Variants in PCDHA5 observed in about 807,000 individuals in gnomAD.
PCDHA5 encodes protocadherin alpha-5.
Under a neutral mutation model 61.6 loss-of-function variants are expected in PCDHA5, and 43 were observed. That is an observed-to-expected ratio of 0.70 (90% CI 0.55 to 0.90). PCDHA5 has a LOEUF of 0.90. Among genes scored for constraint, PCDHA5 ranks in the 40% least tolerant of loss-of-function variants. The pLI, the probability that PCDHA5 is intolerant of heterozygous loss-of-function variation, is 0.00. For synonymous variants in PCDHA5, 627 were observed against 543.9 expected (o/e 1.15, Z -2.13); for missense variants, 1,298 against 1,222.7 (o/e 1.06, Z -0.92).
At chr5:140,955,008 C>T (rs1393836611) in intron 1 of PCDHA5, among the ~76,000 whole-genome samples, 2 of 152,142 alleles carry the variant, frequency 1.3e-5, no homozygotes, top group Non-Finnish European at 2.9e-5. Flanking sequence ...CCAATTCTCC[C>T]AGCACCATTT....
chr5:140,848,354 C>G (rs1427419086), intron 1 of PCDHA5: 1 of 1,023,830 alleles, frequency 9.8e-7, no homozygotes, highest in African/African-American at 1.6e-5. Flanking sequence ...AGCCCTTTTC[C>G]CATGGGAAAG....
chr5:140,869,219 C>A (rs543814850), intron 1 of PCDHA5: 1 of 1,613,836 alleles, frequency 6.2e-7, no homozygotes, highest in African/African-American at 1.3e-5. Context: ...TCGGAGGAGG[C>A]CAAACACGGC....
At chr5:140,828,367 C>G (rs2150154569) in intron 1 of PCDHA5, 12 of 1,614,132 alleles carry the variant, frequency 7.4e-6, no homozygotes, top group East Asian at 2.2e-5. Context: ...GGATCGACCG[C>G]GAGGAGCTGT....
intron 1 of PCDHA5, chr5:140,875,368 T>G (rs745982019): frequency 1.3e-5 from 19 of 1,449,988 alleles, no homozygotes; most frequent in Non-Finnish European, 1.7e-5. Context: ...TGGAAAAAAT[T>G]TACTAAATAT....
At chr5:140,980,716 G>T (rs1246125435) in intron 2 of PCDHA5, among the ~76,000 whole-genome samples, 1 of 151,830 alleles carries the variant, frequency 6.6e-6, no homozygotes, top group Non-Finnish European at 1.5e-5. Context: ...TCCTATTCGG[G>T]TTTCAATTAA....
At chr5:140,824,152 A>T (rs184380215) in intron 1 of PCDHA5, 25 bp downstream of exon 1, 13 of 1,611,614 alleles carry the variant, frequency 8.1e-6, no homozygotes, top group Middle Eastern at 1.7e-4. Context: ...ATTAACATCC[A>T]TCTTTCCCTC....
At chr5:140,829,849 T>C in intron 1 of PCDHA5, 1 of 1,613,860 alleles carries the variant, frequency 6.2e-7, no homozygotes, top group Non-Finnish European at 8.5e-7. Context: ...GGTCACTGGG[T>C]GCAGGCCAAG....
At chr5:140,946,097 C>T (rs1452170851) in intron 1 of PCDHA5, among the ~76,000 whole-genome samples, 1 of 151,826 alleles carries the variant, frequency 6.6e-6, no homozygotes, top group Admixed American at 6.6e-5. Context: ...AAGGAGTTAA[C>T]ATACCAAATA....
intron 1 of PCDHA5, among the ~76,000 whole-genome samples, chr5:140,897,693 G>A (rs1327367730): frequency 6.6e-6 from 1 of 152,008 alleles, no homozygotes; most frequent in African/African-American, 2.4e-5. Context: ...TAGTCCTTTG[G>A]GCATATACCC....
chr5:140,959,592 G>A (rs2095498598), intron 1 of PCDHA5, among the ~76,000 whole-genome samples: 2 of 152,162 alleles, frequency 1.3e-5, no homozygotes, highest in South Asian at 4.1e-4. Flanking sequence ...TATCAGCCAA[G>A]TATAACATGC....
rs1210767626 is a variant in PCDHA5 at position 141,010,197 on chromosome 5, C to T, written c.*260C>T. 1 of 1,552,200 alleles carries T rather than the reference C, an allele frequency of 6.4e-7. No homozygotes were observed. The highest frequency in any genetic ancestry group is 1.2e-5 in the South Asian group (1 of 84,134). On this transcript the variant is annotated 3_prime_UTR_variant, in exon 4 of 4. Coordinates refer to ENST00000529859, the MANE Select transcript of PCDHA5 (RefSeq NM_018908.3). ...AAAAGCAGACCCAAGTTTCCTTTCT[C>T]CTCCGCCGCAAAGGAGAGGCTTCCC...
At chr5:140,998,112 T>A (rs1554256165) in intron 3 of PCDHA5, among the ~76,000 whole-genome samples, 2 of 152,152 alleles carry the variant, frequency 1.3e-5, no homozygotes, top group Non-Finnish European at 2.9e-5. Context: ...AGGAGAAAAT[T>A]TACTTGTGAA....
intron 3 of PCDHA5, among the ~76,000 whole-genome samples, chr5:140,988,661 A>G (rs1411850477): frequency 6.6e-6 from 1 of 152,186 alleles, no homozygotes; most frequent in Non-Finnish European, 1.5e-5. Context: ...TTGTTTATGA[A>G]TAGACTCTAA....
chr5:140,823,591 C>T lies in PCDHA5; in HGVS notation c.1816C>T (p.Leu606Phe), dbSNP rs1767789904. Residue 606 changes from leucine (L) to phenylalanine (F), a missense_variant, in exon 1 of 4, where the codon CTT (leucine) becomes TTT (phenylalanine). Coordinates refer to ENST00000529859, the MANE Select transcript of PCDHA5 (RefSeq NM_018908.3). ...VDPDSGYNAW[L>F]SYELQPAPGS... The stretch of plus-strand genomic sequence containing the variant: ...CCCTGATTCGGGCTACAACGCTTGG[C>T]TTTCGTATGAGCTGCAGCCAGCGCC... 3 of 1,613,886 alleles carry T rather than the reference C, an allele frequency of 1.9e-6. No individual in the cohort carries two copies. Among genetic ancestry groups the T allele is most frequent in the Admixed American group, 1.7e-5 (1 of 60,010 alleles).
chr5:140,967,018 G>T, intron 1 of PCDHA5: 1 of 1,607,168 alleles, frequency 6.2e-7, no homozygotes, highest in Non-Finnish European at 8.5e-7. Context: ...ATCTGGGTGC[G>T]CCCAGTCCGC....
Position 140,823,275 on chromosome 5 carries a change from G to C in PCDHA5, c.1500G>C (p.Glu500Asp), listed in dbSNP as rs2150124243. 6.2e-7 allele frequency: 1 copy of C among 1,612,480 alleles called. No individual in the cohort carries two copies. Among genetic ancestry groups the C allele is most frequent in the Non-Finnish European group, 8.5e-7 (1 of 1,179,764 alleles). ...CGCTGGTGGAGCGGCGGGTGGGCGAGCGCCCGCTGTCGAGTTACGTTTCGG... is the reference window on the plus strand; with the variant it reads ...CGCTGGTGGAGCGGCGGGTGGGCGACCGCCCGCTGTCGAGTTACGTTTCGG... ...SYSLVERRVG[E>D]RPLSSYVSVH... The change falls in exon 1 of 4, where the codon GAG (glutamate) becomes GAC (aspartate). Residue 500 changes from glutamate (E) to aspartate (D), a missense_variant. By Grantham distance (45) the Glu-to-Asp change is conservative. Coordinates refer to ENST00000529859, the MANE Select transcript of PCDHA5 (RefSeq NM_018908.3).
intron 1 of PCDHA5, chr5:140,862,474 T>C (rs1342820666): frequency 2.6e-6 from 1 of 377,454 alleles, no homozygotes. Flanking sequence ...AGCAAATCTA[T>C]CCATTGTTGG....
At chr5:140,830,288 A>T in intron 1 of PCDHA5, 1 of 1,613,814 alleles carries the variant, frequency 6.2e-7, no homozygotes, top group Non-Finnish European at 8.5e-7. Flanking sequence ...GGGCGCGTGC[A>T]CGGCGGACAA....
At chr5:140,942,530 T>C (rs963252648) in intron 1 of PCDHA5, among the ~76,000 whole-genome samples, 5 of 151,374 alleles carry the variant, frequency 3.3e-5, no homozygotes, top group Non-Finnish European at 5.9e-5. Flanking sequence ...AGCAACTAAC[T>C]CAGTATGGTG....
Sources: allele counts gnomAD v4.1 joint callset (sites outside exome capture counted in the v4.1 genomes callset), GRCh38; gene constraint gnomAD v4.1.1; transcripts MANE v1.5; gene names NCBI Gene and HGNC (gene_info 2026-07-23, HGNC 2026-07-21).